Variants in SGCD observed in about 807,000 individuals in gnomAD.
SGCD encodes sarcoglycan delta.
Under a neutral mutation model 36.6 loss-of-function variants are expected in SGCD, and 18 were observed. That is an observed-to-expected ratio of 0.49 (90% CI 0.34 to 0.73). The LOEUF (loss-of-function observed/expected upper bound fraction) is 0.73. SGCD is among the 30% of genes least tolerant of loss of function. The pLI, the probability that SGCD is intolerant of heterozygous loss-of-function variation, is 0.01. For missense variants in SGCD, 387 were observed against 346.7 expected (o/e 1.12, Z -0.92); for synonymous variants, 133 against 130.6 (o/e 1.02, Z -0.12).
Position 156,287,874 on chromosome 5 carries a change from G to C in SGCD, c.-43-41660G>C, listed in dbSNP as rs1235581825. ...GGATCACATCACTACACTCCAGCCT[G>C]AGTGACAAAGTGAGGCTCTGTCTCA... On this transcript the variant is annotated intron_variant, in intron 3 of 9. Transcript: ENST00000517913. Among the ~76,000 whole-genome samples the C allele has an allele frequency of 3.3e-5, 5 of 152,164 alleles. No homozygotes were observed. The East Asian group carries it at 9.7e-4, about 29-fold the overall frequency.
At chr5:155,925,659 A>C (rs1756981245) in intron 1 of SGCD, among the ~76,000 whole-genome samples, 1 of 152,194 alleles carries the variant, frequency 6.6e-6, no homozygotes, top group African/African-American at 2.4e-5. Context: ...TCTGCTGCCC[A>C]GGCTGTAGTG....
chr5:156,620,476 A>G (rs1240180344), intron 6 of SGCD, among the ~76,000 whole-genome samples: 1 of 152,260 alleles, frequency 6.6e-6, no homozygotes, highest in African/African-American at 2.4e-5. Context: ...AACAAAATAT[A>G]CGATAGAACT....
At chr5:156,668,391 T>C (rs1324118388) in intron 7 of SGCD, among the ~76,000 whole-genome samples, 1 of 152,220 alleles carries the variant, frequency 6.6e-6, no homozygotes, top group Non-Finnish European at 1.5e-5. Context: ...ACATATTTCA[T>C]TTTTCTCCCT....
intron 7 of SGCD, among the ~76,000 whole-genome samples, chr5:156,656,061 G>C (rs1763662177): frequency 6.6e-6 from 1 of 152,036 alleles, no homozygotes; most frequent in African/African-American, 2.4e-5. Flanking sequence ...ACATGCCACG[G>C]CAAATGTTAA....
chr5:156,222,339 A>ATCACTAAT lies in SGCD; in HGVS notation c.-44+98323_-44+98330dup, dbSNP rs1226549628. Among the ~76,000 whole-genome samples, 3 of 152,162 alleles carry ATCACTAAT rather than the reference A, an allele frequency of 2.0e-5. No individual in the cohort carries two copies. In the East Asian group the frequency reaches 5.8e-4, roughly 29 times the overall value. ...GATTGGTGGACATAAGGTAGAAAAT[A>ATCACTAAT]TCACTAATTCCTACATTTTAAGATT... On this transcript the variant is annotated intron_variant, in intron 3 of 9. Coordinates refer to the SGCD transcript ENST00000517913.
chr5:155,903,811 CTTCAG>C (rs1273026642), intron 1 of SGCD, among the ~76,000 whole-genome samples: 1 of 152,164 alleles, frequency 6.6e-6, no homozygotes, highest in Non-Finnish European at 1.5e-5. Flanking sequence ...CTTAATTCAG[CTTCAG>C]TTAAATACCT....
chr5:156,331,275 G>A (rs924873054), intron 2 of SGCD, among the ~76,000 whole-genome samples: 4 of 152,082 alleles, frequency 2.6e-5, no homozygotes, highest in Non-Finnish European at 5.9e-5. Context: ...AATTCCTATT[G>A]CAGAGTGTGA....
chr5:156,579,560 G>A (rs1399278131), intron 4 of SGCD, among the ~76,000 whole-genome samples: 1 of 152,064 alleles, frequency 6.6e-6, no homozygotes, highest in Admixed American at 6.6e-5. Context: ...TCTCTTTGTA[G>A]GTCTCTAAGG....
intron 1 of SGCD, among the ~76,000 whole-genome samples, chr5:156,059,533 A>G (rs1306000370): frequency 2.7e-5 from 4 of 146,582 alleles, no homozygotes; most frequent in Admixed American, 1.4e-4. Flanking sequence ...CCTAGTGTGC[A>G]TTGGCAGGGG....
At chr5:156,558,534 G>T (rs1265422178) in intron 4 of SGCD, among the ~76,000 whole-genome samples, 2 of 152,000 alleles carry the variant, frequency 1.3e-5, no homozygotes, top group Non-Finnish European at 2.9e-5. Context: ...TCTGTTCTGT[G>T]TCAGACACTG....
At chr5:155,738,967 G>T in the SGCD span, among the ~76,000 whole-genome samples, 1 of 152,156 alleles carries the variant, frequency 6.6e-6, no homozygotes, top group African/African-American at 2.4e-5. Context: ...GAGAGAAAGA[G>T]AGAAAAAATA....
chr5:156,365,459 T>G (rs528890621), intron 3 of SGCD, among the ~76,000 whole-genome samples: 1 of 152,312 alleles, frequency 6.6e-6, no homozygotes, highest in South Asian at 2.1e-4. Flanking sequence ...AGGAGATGCT[T>G]TATCTTCTGA....
rs1756809359 is a variant in SGCD at position 156,508,683 on chromosome 5, A to G, written c.275A>G (p.Lys92Arg). The G allele has an allele frequency of 1.9e-6, 3 of 1,603,238 alleles. No individual in the cohort carries two copies. The highest frequency in any genetic ancestry group is 2.2e-5 in the South Asian group (2 of 89,666). Residue 92 changes from lysine (K) to arginine (R), a missense_variant, in exon 4 of 9, where the codon AAA becomes AGA. Transcript: ENST00000337851. ...DSEFLQPLYA[K>R]EIQSRPGNAL... ...GAATTCTTACAACCTCTCTACGCCA[A>G]AGAAATCCAGTCCCGACCAGTAAGT... is the stretch of plus-strand genomic sequence containing the variant.
intron 3 of SGCD, among the ~76,000 whole-genome samples, chr5:156,166,999 C>A (rs1017951021): frequency 2.6e-5 from 4 of 152,046 alleles, no homozygotes; most frequent in Non-Finnish European, 4.4e-5. Context: ...CACTTTCTTC[C>A]TACTTCCTTC....
rs145379741 is a variant in SGCD at position 156,000,799 on chromosome 5, C to CATATATATATATATATATAT, written c.-281-117063_-281-117062insATATATATATATATATATAT. 1.6e-3 allele frequency among the ~76,000 whole-genome samples: 233 copies of CATATATATATATATATATAT among 145,258 alleles called. 1 individual carries two copies. The highest frequency in any genetic ancestry group is 5.7e-3 in the African/African-American group (208 of 36,662). On this transcript the variant is annotated intron_variant, in intron 1 of 9. Coordinates refer to the SGCD transcript ENST00000517913. The stretch of plus-strand genomic sequence containing the variant: ...AAACACATATTTTTTTTTCCTCACA[C>CATATATATATATATATATAT]ATATATATATATATATTTTTGCCCT...
At chr5:156,429,529 T>C (rs1561690082) in intron 3 of SGCD, among the ~76,000 whole-genome samples, 1 of 151,904 alleles carries the variant, frequency 6.6e-6, no homozygotes, top group East Asian at 1.9e-4. Context: ...TATTAAGATG[T>C]GAGGTCCCTT....
intron 7 of SGCD, among the ~76,000 whole-genome samples, chr5:156,731,013 T>C (rs946044577): frequency 6.6e-6 from 1 of 152,228 alleles, no homozygotes; most frequent in Admixed American, 6.5e-5. Flanking sequence ...TTGAGCTTTT[T>C]TTCATGTGTT....
rs190950349 is a variant in SGCD, at chr5:156,021,202, G to A, written c.-281-96676G>A. On this transcript the variant is annotated intron_variant, in intron 1 of 9. Transcript: ENST00000517913. Reference sequence around the variant, plus strand: ...ATTTCTTTGATAGAGAAAAAAACAGGGAGAAAAGGAGTTGTGTAGGGGCTT... The same window carrying A: ...ATTTCTTTGATAGAGAAAAAAACAGAGAGAAAAGGAGTTGTGTAGGGGCTT... 6.4e-3 allele frequency among the ~76,000 whole-genome samples: 977 copies of A among 152,148 alleles called. 6 individuals carry two copies. Among genetic ancestry groups the A allele is most frequent in the Non-Finnish European group, 0.01 (693 of 67,974 alleles).
intron 1 of SGCD, among the ~76,000 whole-genome samples, chr5:156,002,879 C>T (rs1758691662): frequency 6.6e-6 from 1 of 152,198 alleles, no homozygotes; most frequent in East Asian, 1.9e-4. Flanking sequence ...GGAAAAGCTG[C>T]ATTCTAAAAA....
Sources: allele counts gnomAD v4.1 joint callset (sites outside exome capture counted in the v4.1 genomes callset), GRCh38; gene constraint gnomAD v4.1.1; transcripts MANE v1.5; gene names NCBI Gene and HGNC (gene_info 2026-07-23, HGNC 2026-07-21).